The following ENOX1 variants were observed in gnomAD, a reference collection of about 807,000 sequenced individuals.
The protein encoded by ENOX1 is ecto-NOX disulfide-thiol exchanger 1, also known as candidate growth-related and time keeping constitutive hydroquinone (NADH) oxidase.
ENOX1 carries 42 observed loss-of-function variants against 82.5 expected under a neutral mutation model. That is an observed-to-expected ratio of 0.51 (90% CI 0.40 to 0.66). The LOEUF (loss-of-function observed/expected upper bound fraction) is 0.66, where lower values mean the gene tolerates loss of function less well. Ranked by LOEUF, ENOX1 falls within the 30% of genes least tolerant of loss-of-function variation. The pLI, the probability that ENOX1 is intolerant of heterozygous loss-of-function variation, is 0.00. For synonymous variants in ENOX1, 271 were observed against 282.2 expected, an observed-to-expected ratio of 0.96 and a Z score of 0.40; for missense variants, 608 against 811.6, an observed-to-expected ratio of 0.75 and a Z score of 3.05.
At chr13:43,437,021 C>T (rs2056070347) in intron 3 of ENOX1, among the ~76,000 whole-genome samples, 1 of 152,070 alleles carries the variant, frequency 6.6e-6, no homozygotes, top group East Asian at 1.9e-4. Flanking sequence ...GGAATAATTC[C>T]TAGAAGAATG....
chr13:43,556,540 T>C (rs1414666460), intron 2 of ENOX1, among the ~76,000 whole-genome samples: 3 of 152,152 alleles, frequency 2.0e-5, no homozygotes, highest in Non-Finnish European at 4.4e-5. Flanking sequence ...CATCAGGAAA[T>C]TTATTTAGAT....
intron 2 of ENOX1, among the ~76,000 whole-genome samples, chr13:43,486,035 C>T (rs1286617778): frequency 6.6e-6 from 1 of 152,158 alleles, no homozygotes; most frequent in Non-Finnish European, 1.5e-5. Flanking sequence ...ACTGTGAAAG[C>T]CCGTCTCTAC....
At chr13:43,482,803 C>A (rs1231152568) in intron 3 of ENOX1, among the ~76,000 whole-genome samples, 2 of 152,138 alleles carry the variant, frequency 1.3e-5, no homozygotes, top group East Asian at 3.8e-4. Flanking sequence ...TCCTTCCCAG[C>A]ACTTCTGTTT....
At chr13:43,682,021 C>A (rs1248109071) in intron 1 of ENOX1, among the ~76,000 whole-genome samples, 1 of 152,032 alleles carries the variant, frequency 6.6e-6, no homozygotes, top group Non-Finnish European at 1.5e-5. Context: ...TTACTCCCAG[C>A]CTTCAACTCC....
intron 3 of ENOX1, among the ~76,000 whole-genome samples, chr13:43,436,673 A>T (rs2056050341): frequency 6.6e-6 from 1 of 152,190 alleles, no homozygotes; most frequent in South Asian, 2.1e-4. Flanking sequence ...GAAAGTTACT[A>T]TACAGCTTGG....
intron 2 of ENOX1, among the ~76,000 whole-genome samples, chr13:43,526,016 T>C (rs76857921): frequency 0.031 from 4,765 of 152,250 alleles, 254 homozygotes; most frequent in African/African-American, 0.11. Flanking sequence ...GACAGTGTAC[T>C]CACAGAGAAC....
chr13:43,390,415 A>T lies in ENOX1; in HGVS notation c.208+21501T>A, dbSNP rs187548739. Among the ~76,000 whole-genome samples, 388 of 152,242 alleles carry T rather than the reference A, an allele frequency of 2.5e-3. 1 individual carries two copies. The highest frequency in any genetic ancestry group is 8.9e-3 in the African/African-American group (371 of 41,544). On this transcript the variant is annotated intron_variant, in intron 5 of 16. Coordinates refer to ENST00000690772, the MANE Select transcript of ENOX1 (RefSeq NM_001347969.2). The stretch of plus-strand genomic sequence containing the variant: ...AGGAGAATGCCTGCAAAAATTTAGT[A>T]AGTTTATAAAATTTTTGGCAAGTAC...
At chr13:43,477,087 T>C (rs1209584114) in intron 3 of ENOX1, among the ~76,000 whole-genome samples, 1 of 151,370 alleles carries the variant, frequency 6.6e-6, no homozygotes, top group Non-Finnish European at 1.5e-5. Flanking sequence ...GTTCCAAAGG[T>C]ATATATTCAG....
chr13:43,666,864 CG>C (rs1489853944), intron 2 of ENOX1, among the ~76,000 whole-genome samples: 5 of 152,056 alleles, frequency 3.3e-5, no homozygotes, highest in Non-Finnish European at 7.4e-5. Flanking sequence ...CTGTCATCCA[CG>C]TCAGTTCTAT....
At chr13:43,624,779 C>A (rs1049414780) in intron 2 of ENOX1, among the ~76,000 whole-genome samples, 15 of 152,082 alleles carry the variant, frequency 9.9e-5, no homozygotes, top group Admixed American at 2.0e-4. Flanking sequence ...CCATCACCAA[C>A]CACAGTCTTG....
chr13:43,740,214 T>C (rs949069443), intron 1 of ENOX1, among the ~76,000 whole-genome samples: 1 of 151,914 alleles, frequency 6.6e-6, no homozygotes, highest in African/African-American at 2.4e-5. Flanking sequence ...TGCAGTGGGG[T>C]AAATGAGACA....
intron 3 of ENOX1, among the ~76,000 whole-genome samples, chr13:43,449,415 G>T (rs1263982672): frequency 6.6e-6 from 1 of 152,174 alleles, no homozygotes; most frequent in Non-Finnish European, 1.5e-5. Flanking sequence ...GTTATGGGGA[G>T]CAAAATCCTG....
intron 1 of ENOX1, among the ~76,000 whole-genome samples, chr13:43,718,222 CT>C (rs55894854): frequency 0.71 from 107,879 of 151,740 alleles, 42,157 homozygotes; most frequent in South Asian, 0.89. Context: ...AAATAATGTC[CT>C]TTGTAGCAAT....
At chr13:43,405,563 T>C (rs183558511) in intron 5 of ENOX1, among the ~76,000 whole-genome samples, 8 of 152,200 alleles carry the variant, frequency 5.3e-5, no homozygotes, top group Non-Finnish European at 5.9e-5. Context: ...AGCAAATGGC[T>C]CTATGGTTAA....
At chr13:43,508,716 C>G (rs1338074297) in intron 2 of ENOX1, among the ~76,000 whole-genome samples, 1 of 151,752 alleles carries the variant, frequency 6.6e-6, no homozygotes, top group Admixed American at 6.6e-5. Context: ...TTTTATAAAT[C>G]AAGAAATTGT....
At chr13:43,445,410 A>G (rs971882760) in intron 3 of ENOX1, among the ~76,000 whole-genome samples, 5 of 152,116 alleles carry the variant, frequency 3.3e-5, no homozygotes, top group South Asian at 2.1e-4. Context: ...GGTGTGAGCC[A>G]CTGCCCCCGG....
chr13:43,561,122 A>C (rs1566529306), intron 2 of ENOX1, among the ~76,000 whole-genome samples: 1 of 152,142 alleles, frequency 6.6e-6, no homozygotes, highest in Non-Finnish European at 1.5e-5. Flanking sequence ...TAATTCAGCA[A>C]ATTCTCAATA....
At chr13:43,414,445 C>A (rs934236123) in intron 3 of ENOX1, among the ~76,000 whole-genome samples, 1 of 152,118 alleles carries the variant, frequency 6.6e-6, no homozygotes, top group African/African-American at 2.4e-5. Context: ...GAACTCAGAA[C>A]CTGCATGTGT....
chr13:43,430,509 T>C (rs2055591086), intron 3 of ENOX1, among the ~76,000 whole-genome samples: 1 of 152,174 alleles, frequency 6.6e-6, no homozygotes, highest in African/African-American at 2.4e-5. Context: ...TTTCTTGATA[T>C]GGGTGTTTTA....
Sources: allele counts gnomAD v4.1 joint callset (sites outside exome capture counted in the v4.1 genomes callset), GRCh38; gene constraint gnomAD v4.1.1; transcripts MANE v1.5; gene names NCBI Gene and HGNC (gene_info 2026-07-23, HGNC 2026-07-21).